Variants in SLC13A3 observed in about 807,000 individuals in gnomAD.
SLC13A3 encodes the protein solute carrier family 13 member 3, also known as Na(+)/dicarboxylate cotransporter 3.
A neutral mutation model predicts 59.0 loss-of-function variants in SLC13A3; 40 were observed. That is an observed-to-expected ratio of 0.68 (90% CI 0.53 to 0.88). The LOEUF (loss-of-function observed/expected upper bound fraction) is 0.88, where lower values mean the gene tolerates loss of function less well. Among genes scored for constraint, SLC13A3 ranks in the 40% least tolerant of loss-of-function variants. The pLI is 0.00. For missense variants in SLC13A3, 699 were observed against 783.2 expected (o/e 0.89, Z 1.28); for synonymous variants, 317 against 330.3 (o/e 0.96, Z 0.44).
At chr20:46,655,351 C>A (rs2062977998), upstream of SLC13A3, among the ~76,000 whole-genome samples, 1 of 148,634 alleles carries the variant, frequency 6.7e-6, no homozygotes, top group South Asian at 2.1e-4. Context: ...ATATATATAC[C>A]AAATATACAT....
At chr20:46,676,010 G>C (rs554785351) in intron 1 of SLC13A3, 8 of 152,314 alleles carry the variant, frequency 5.3e-5, no homozygotes, top group African/African-American at 1.9e-4. Flanking sequence ...CTGGGTTCAA[G>C]CGATTCTCCT....
chr20:46,632,902 T>TCTACCCACCC (rs2062755377), intron 1 of SLC13A3, among the ~76,000 whole-genome samples: 1 of 50,678 alleles, frequency 2.0e-5, no homozygotes, highest in Non-Finnish European at 4.4e-5. Context: ...GATAGATAGA[T>TCTACCCACCC]AGATAGATAT....
intron 1 of SLC13A3, among the ~76,000 whole-genome samples, chr20:46,666,724 G>A (rs1218124254): frequency 6.6e-6 from 1 of 151,922 alleles, no homozygotes; most frequent in Middle Eastern, 3.2e-3. Flanking sequence ...GGCTGGTCTC[G>A]AACTCCTGGG....
intron 1 of SLC13A3, among the ~76,000 whole-genome samples, chr20:46,641,020 G>T (rs2062841711): frequency 6.6e-6 from 1 of 152,166 alleles, no homozygotes; most frequent in East Asian, 1.9e-4. Flanking sequence ...GCCCACTTGA[G>T]GGATGGGGCA....
At chr20:46,604,220 C>T (rs1158941949) in intron 3 of SLC13A3, among the ~76,000 whole-genome samples, 1 of 152,078 alleles carries the variant, frequency 6.6e-6, no homozygotes, top group Non-Finnish European at 1.5e-5. Context: ...CTGCTCCTTC[C>T]TTACCCAGCT....
intron 8 of SLC13A3, among the ~76,000 whole-genome samples, chr20:46,586,744 C>T (rs910844048): frequency 6.6e-6 from 1 of 152,210 alleles, no homozygotes; most frequent in Non-Finnish European, 1.5e-5. Context: ...TGAATGATAT[C>T]TTGACTGCTA....
At chr20:46,595,209 G>A (rs1300918672) in intron 5 of SLC13A3, among the ~76,000 whole-genome samples, 1 of 152,166 alleles carries the variant, frequency 6.6e-6, no homozygotes, top group Non-Finnish European at 1.5e-5. Flanking sequence ...GAACCTAAAA[G>A]TCTTAAAGAC....
chr20:46,611,648 A>G (rs1013664599), intron 2 of SLC13A3, among the ~76,000 whole-genome samples: 4 of 151,922 alleles, frequency 2.6e-5, no homozygotes, highest in African/African-American at 7.3e-5. Context: ...AATCTATCCA[A>G]TCTGTTCATC....
intron 1 of SLC13A3, among the ~76,000 whole-genome samples, chr20:46,657,621 G>T (rs2063003123): frequency 6.6e-6 from 1 of 152,052 alleles, no homozygotes; most frequent in Non-Finnish European, 1.5e-5. Context: ...GGAGTTGTTA[G>T]GCCGTTTCTG....
intron 1 of SLC13A3, among the ~76,000 whole-genome samples, chr20:46,632,908 G>GCTCTTT (rs1555881868): frequency 0.025 from 876 of 34,712 alleles, 26 homozygotes; most frequent in East Asian, 0.11. Flanking sequence ...TAGATAGATA[G>GCTCTTT]ATATATCTAT....
chr20:46,578,210 G>A (rs1044420269), intron 9 of SLC13A3, among the ~76,000 whole-genome samples: 8 of 151,704 alleles, frequency 5.3e-5, no homozygotes, highest in East Asian at 2.0e-4. Flanking sequence ...GATTACAGGC[G>A]TGAGCCACCA....
intron 1 of SLC13A3, among the ~76,000 whole-genome samples, chr20:46,630,477 C>T (rs529349985): frequency 1.7e-4 from 26 of 152,314 alleles, no homozygotes; most frequent in African/African-American, 3.4e-4. Context: ...CAGAAGCATG[C>T]GCCACTCTTG....
intron 9 of SLC13A3, among the ~76,000 whole-genome samples, chr20:46,576,571 T>C (rs2062079103): frequency 6.6e-6 from 1 of 152,186 alleles, no homozygotes; most frequent in Non-Finnish European, 1.5e-5. Flanking sequence ...AGCTGATAGT[T>C]GCATCCACAG....
chr20:46,667,817 A>AT (rs1245911004), intron 1 of SLC13A3, among the ~76,000 whole-genome samples: 1 of 152,130 alleles, frequency 6.6e-6, no homozygotes, highest in Non-Finnish European at 1.5e-5. Context: ...TCTTGGCATC[A>AT]TTTTTCCAAC....
chr20:46,682,881 AC>A, intron 1 of SLC13A3, among the ~76,000 whole-genome samples: 1 of 152,232 alleles, frequency 6.6e-6, no homozygotes, highest in East Asian at 1.9e-4. Context: ...TCCCCGGTGG[AC>A]GTCAAGGGAT....
chr20:46,655,031 C>T (rs150519956), upstream of SLC13A3, among the ~76,000 whole-genome samples: 11 of 152,234 alleles, frequency 7.2e-5, no homozygotes, highest in East Asian at 1.9e-3. Context: ...AATCTGATAT[C>T]ATTTGAGTTA....
At chr20:46,597,200 T>C (rs2062322071) in intron 4 of SLC13A3, among the ~76,000 whole-genome samples, 3 of 152,344 alleles carry the variant, frequency 2.0e-5, no homozygotes, top group South Asian at 4.1e-4. Flanking sequence ...TTTTATTTTC[T>C]GGGTTGTTTT....
At position 46,628,010 on chromosome 20, in the gene SLC13A3, C is replaced by G. The variant is rs143284556; in HGVS notation, c.112-14285G>C. On this transcript the variant is annotated intron_variant, in intron 1 of 12. Coordinates refer to ENST00000279027, the MANE Select transcript of SLC13A3 (RefSeq NM_022829.6). The stretch of plus-strand genomic sequence containing the variant: ...GTCCAGGTGGATCCATGATTTTACT[C>G]CACCCAACAGCAGCTCTGGTCAACC... Among the ~76,000 whole-genome samples the G allele has an allele frequency of 2.1e-3, 326 of 152,242 alleles. 2 individuals carry two copies. The highest frequency in any genetic ancestry group is 1.4e-3 in the Non-Finnish European group (94 of 68,016).
At chr20:46,566,510 G>A (rs768849706) in intron 10 of SLC13A3, 120 bp from the exon 11 acceptor site, 20 of 1,147,806 alleles carry the variant, frequency 1.7e-5, no homozygotes, top group Non-Finnish European at 2.3e-5. Flanking sequence ...GGAGACTGAG[G>A]TGCAGAGAGG....
Sources: allele counts gnomAD v4.1 joint callset (sites outside exome capture counted in the v4.1 genomes callset), GRCh38; gene constraint gnomAD v4.1.1; transcripts MANE v1.5; gene names NCBI Gene and HGNC (gene_info 2026-07-23, HGNC 2026-07-21).